The following NAA15 variants were observed in gnomAD, a reference collection of about 807,000 sequenced individuals.
NAA15 encodes N-terminal acetyltransferase.
NAA15 carries 34 observed loss-of-function variants against 114.0 expected under a neutral mutation model. The observed-to-expected ratio is 0.30, with a 90% confidence interval of 0.23 to 0.40. The LOEUF (loss-of-function observed/expected upper bound fraction) is 0.40. Among genes scored for constraint, NAA15 ranks in the 10% least tolerant of loss-of-function variants. The probability of loss-of-function intolerance (pLI) is 1.00; values close to 1 mark genes in which losing one functional copy is unlikely to be tolerated. For missense variants in NAA15, 658 were observed against 1,004.5 expected, an observed-to-expected ratio of 0.66 and a Z score of 4.66; for synonymous variants, 340 against 338.0, an observed-to-expected ratio of 1.01 and a Z score of -0.06.
At chr4:139,349,611 A>G in intron 7 of NAA15, 30 bp downstream of exon 7, 1 of 1,570,254 alleles carries the variant, frequency 6.4e-7, no homozygotes, top group Non-Finnish European at 8.6e-7. Flanking sequence ...ACTAAGTTTT[A>G]TTGTTTCTTT....
At chr4:139,303,167 C>T (rs1444822630) in intron 1 of NAA15, among the ~76,000 whole-genome samples, 1 of 152,118 alleles carries the variant, frequency 6.6e-6, no homozygotes, top group Non-Finnish European at 1.5e-5. Context: ...CATGCAGTGT[C>T]GCAAAACTGT....
chr4:139,350,233 A>C (rs1257651665), intron 7 of NAA15, among the ~76,000 whole-genome samples: 2 of 152,226 alleles, frequency 1.3e-5, no homozygotes, highest in African/African-American at 4.8e-5. Context: ...GCTTGAGCCC[A>C]GGAGTTTGAG....
rs1246640251 is a variant in NAA15 at position 139,391,012 on chromosome 4, T to C, written c.*2928T>C. Reference sequence around the variant, plus strand: ...ATTTCTAAGAATATTTCAGTTACCATGTATAGTATTTGGGAAAAGCTGTAA... The same window carrying C: ...ATTTCTAAGAATATTTCAGTTACCACGTATAGTATTTGGGAAAAGCTGTAA... On this transcript the variant is annotated 3_prime_UTR_variant, in exon 20 of 20. Coordinates refer to ENST00000296543, the MANE Select transcript of NAA15 (RefSeq NM_057175.5). 6.6e-6 allele frequency: 1 copy of C among 152,230 alleles called. No individual in the cohort carries two copies. Among genetic ancestry groups the C allele is most frequent in the Non-Finnish European group, 1.5e-5 (1 of 68,038 alleles). The allele number at this position is 152,230 out of a possible 1,614,324, so 9.4% of individuals were successfully genotyped here. A position where few individuals can be genotyped will look rare whatever the true frequency, so the allele number is the denominator to read the frequency against.
At chr4:139,387,844 T>C (rs969258265) in intron 19 of NAA15, 40 bp from the exon 20 acceptor site, 32 of 1,533,398 alleles carry the variant, frequency 2.1e-5, no homozygotes, top group Non-Finnish European at 2.9e-5. Flanking sequence ...TAAGAACCTT[T>C]TTTTGACCAG....
At chr4:139,381,396 G>T (rs1439201338) in intron 17 of NAA15, among the ~76,000 whole-genome samples, 5 of 151,798 alleles carry the variant, frequency 3.3e-5, no homozygotes, top group Admixed American at 3.3e-4. Context: ...AGCACTATTT[G>T]GCTGCCTTGA....
intron 2 of NAA15, among the ~76,000 whole-genome samples, chr4:139,336,488 A>C (rs886543454): frequency 6.6e-6 from 1 of 152,166 alleles, no homozygotes; most frequent in Admixed American, 6.5e-5. Flanking sequence ...TATATTTTCA[A>C]GATAAAGTTT....
chr4:139,343,079 A>T (rs1747466654), intron 5 of NAA15, 119 bp downstream of exon 5: 3 of 872,192 alleles, frequency 3.4e-6, no homozygotes, highest in South Asian at 3.7e-5. Context: ...AAGTTGCAGG[A>T]ATAGCACAAA....
intron 16 of NAA15, among the ~76,000 whole-genome samples, chr4:139,377,667 A>G (rs1029029345): frequency 6.6e-6 from 1 of 152,226 alleles, no homozygotes; most frequent in Non-Finnish European, 1.5e-5. Context: ...ACATAGGTAT[A>G]TAATATAGAA....
rs1463435327 is a variant in NAA15, at chr4:139,342,964, A to G, written c.537+4A>G. 2 of 1,610,152 alleles carry G rather than the reference A, an allele frequency of 1.2e-6. No individual in the cohort carries two copies. Among genetic ancestry groups the G allele is most frequent in the East Asian group, 4.5e-5 (2 of 44,826 alleles). ...AGAATTTAGGAAAACACAACAGGTA[A>G]TAACTAGAAGCCATTTTACTAAGTC... On this transcript the variant is annotated splice_donor_region_variant and intron_variant, in intron 5 of 19. Transcript: ENST00000296543.
chr4:139,354,199 C>A, intron 10 of NAA15, 101 bp downstream of exon 10: 1 of 870,656 alleles, frequency 1.1e-6, no homozygotes. Context: ...GCAGTAAGCA[C>A]AGTGCATTAA....
Position 139,389,958 on chromosome 4 carries a change from A to T in NAA15, c.*1874A>T, listed in dbSNP as rs1328758691. ...ATCTTAACAGATGGCAAAAAAACAAAAACTTTTTTTCAACTCCTATGAGTG... is the reference window on the plus strand; with the variant it reads ...ATCTTAACAGATGGCAAAAAAACAATAACTTTTTTTCAACTCCTATGAGTG... On this transcript the variant is annotated 3_prime_UTR_variant, in exon 20 of 20. Coordinates refer to ENST00000296543, the MANE Select transcript of NAA15 (RefSeq NM_057175.5). 1 of 152,642 alleles carries T rather than the reference A, an allele frequency of 6.6e-6. No individual in the cohort carries two copies. The highest frequency in any genetic ancestry group is 1.9e-4 in the East Asian group (1 of 5,194). The allele number at this position is 152,642 out of a possible 1,614,324, so 9.5% of individuals were successfully genotyped here. A position where few individuals can be genotyped will look rare whatever the true frequency, so the allele number is the denominator to read the frequency against.
intron 15 of NAA15, 48 bp from the exon 16 acceptor site, chr4:139,376,317 C>A: frequency 8.6e-7 from 1 of 1,158,640 alleles, no homozygotes; most frequent in Non-Finnish European, 1.3e-6. Flanking sequence ...AAATCACATT[C>A]CCCAAGAACC....
At chr4:139,332,645 C>T (rs1015706644) in intron 1 of NAA15, among the ~76,000 whole-genome samples, 11 of 119,106 alleles carry the variant, frequency 9.2e-5, no homozygotes, top group South Asian at 3.0e-4. Flanking sequence ...TGTGGTGGTG[C>T]GATCTCTGCT....
In NAA15 at chr4:139,334,527, G is replaced by A. The variant is rs111233905; in HGVS notation, c.139+269G>A. On this transcript the variant is annotated intron_variant, in intron 2 of 19. Transcript: ENST00000296543. ...GGATAGAATGCTAAAATTTACTTTAGAACTTTGGTTGAGCTGTATAAATTG... is the reference window on the plus strand; with the variant it reads ...GGATAGAATGCTAAAATTTACTTTAAAACTTTGGTTGAGCTGTATAAATTG... Among the ~76,000 whole-genome samples the A allele has an allele frequency of 2.5e-3, 386 of 152,300 alleles. 1 individual carries two copies. Among genetic ancestry groups the A allele is most frequent in the Middle Eastern group, 0.01 (3 of 294 alleles).
Position 139,309,426 on chromosome 4 carries a change from AGTGTGTGTGT to A in NAA15, c.54+7630_54+7639del, listed in dbSNP as rs70943412. On this transcript the variant is annotated intron_variant, in intron 1 of 19. Coordinates refer to ENST00000296543, the MANE Select transcript of NAA15 (RefSeq NM_057175.5). ...AAATTTATTCTTTGCTTGCTTTTTAAGTGTGTGTGTGTGTGTGTGTGTGTGTGTGTGTGTG... is the reference window on the plus strand; with the variant it reads ...AAATTTATTCTTTGCTTGCTTTTTAAGTGTGTGTGTGTGTGTGTGTGTGTG... Among the ~76,000 whole-genome samples the A allele has an allele frequency of 8.2e-3, 1,177 of 143,656 alleles. 9 individuals are homozygous for A. The highest frequency in any genetic ancestry group is 0.024 in the African/African-American group (930 of 37,972). 94.2% of individuals were successfully genotyped at this position (143,656 alleles called of 152,430 possible).
intron 14 of NAA15, among the ~76,000 whole-genome samples, chr4:139,367,248 T>C (rs1001454041): frequency 6.6e-6 from 1 of 152,198 alleles, no homozygotes; most frequent in African/African-American, 2.4e-5. Flanking sequence ...GGGGCATGGC[T>C]TAATAGTTCT....
chr4:139,381,332 A>C (rs899295143), intron 17 of NAA15, among the ~76,000 whole-genome samples: 1 of 151,964 alleles, frequency 6.6e-6, no homozygotes, highest in African/African-American at 2.4e-5. Flanking sequence ...TATATATTCT[A>C]TTTGTCTTAT....
intron 16 of NAA15, among the ~76,000 whole-genome samples, chr4:139,377,935 G>T (rs1053613954): frequency 1.3e-5 from 2 of 152,196 alleles, no homozygotes; most frequent in Non-Finnish European, 2.9e-5. Context: ...GCCCCATTCA[G>T]TTTGCTTCTT....
intron 1 of NAA15, among the ~76,000 whole-genome samples, chr4:139,317,484 G>C (rs1000293026): frequency 6.6e-5 from 10 of 152,190 alleles, no homozygotes; most frequent in Non-Finnish European, 1.3e-4. Context: ...AGCTGGGCAT[G>C]GTGGCACATG....
Sources: allele counts gnomAD v4.1 joint callset (sites outside exome capture counted in the v4.1 genomes callset), GRCh38; gene constraint gnomAD v4.1.1; transcripts MANE v1.5; gene names NCBI Gene and HGNC (gene_info 2026-07-23, HGNC 2026-07-21).